Variants in ARHGAP27 observed in about 807,000 individuals in gnomAD.
ARHGAP27 encodes the protein rho GTPase-activating protein 27.
In ARHGAP27, 53 loss-of-function variants were observed where a neutral mutation model predicts 102.0. The observed-to-expected ratio is 0.52, with a 90% CI of 0.42 to 0.65. The LOEUF is 0.65. Ranked by LOEUF, ARHGAP27 falls within the 30% of genes least tolerant of loss-of-function variation. The pLI is 0.00. For missense variants in ARHGAP27, 1,117 were observed against 1,256.2 expected (o/e 0.89, Z 1.68); for synonymous variants, 525 against 542.8 (o/e 0.97, Z 0.46).
intron 4 of ARHGAP27, among the ~76,000 whole-genome samples, chr17:45,420,047 C>A (rs1484296621): frequency 6.6e-6 from 1 of 152,176 alleles, no homozygotes; most frequent in African/African-American, 2.4e-5. Context: ...GGGACATACT[C>A]ATCAAATATC....
Position 45,430,144 on chromosome 17 carries a change from A to T in ARHGAP27, c.136T>A (p.Trp46Arg). The T allele has an allele frequency of 6.5e-7, 1 of 1,532,666 alleles. No individual in the cohort carries two copies. Among genetic ancestry groups the T allele is most frequent in the East Asian group, 2.5e-5 (1 of 40,728 alleles). The allele number at this position is 1,532,666 out of a possible 1,614,324, so 94.9% of individuals were successfully genotyped here. ...CCGCCGGGCTCACGCCGCACGTGCC[A>T]CCAGTGCTCGGTGCTGCGCCGCAGC... ...RLLRRSTEHW[W>R]HVRREPGGRP... is the part of the protein sequence containing the mutation. The change falls in exon 4 of 20, where the codon TGG becomes AGG. Residue 46 changes from tryptophan (W) to arginine (R), a missense_variant. Trp to Arg is a moderately radical substitution (Grantham distance 101, BLOSUM62 -3). This residue lies in a region of ARHGAP27 where 610 missense variants were observed against 716.4 expected (regional missense o/e 0.85). Coordinates refer to ENST00000685559, the MANE Select transcript of ARHGAP27 (RefSeq NM_001282290.2). The surrounding 1 kb of genome is among the most constrained non-coding windows in gnomAD (Gnocchi z 4.4).
chr17:45,397,290 C>T lies in ARHGAP27; in HGVS notation c.1843-266G>A, dbSNP rs547394462. 3 of 1,351,088 alleles carry T rather than the reference C, an allele frequency of 2.2e-6. No homozygotes were observed. In the East Asian group the frequency reaches 8.6e-5, roughly 39 times the overall value. The allele number at this position is 1,351,088 out of a possible 1,614,324, so 83.7% of individuals were successfully genotyped here. ...CCCCTTCCTATCCTGGGGACTCCTA[C>T]CCACCTGGTGCCTTCTTTCTCTATT... On this transcript the variant is annotated intron_variant, in intron 13 of 19. Transcript: ENST00000685559.
intron 4 of ARHGAP27, chr17:45,410,453 T>C: frequency 8.5e-7 from 1 of 1,176,356 alleles, no homozygotes; most frequent in Non-Finnish European, 1.1e-6. Context: ...GCGGAAGTGC[T>C]GCCTGAGTTG....
intron 6 of ARHGAP27, 39 bp downstream of exon 6, chr17:45,404,885 C>T (rs753052004): frequency 1.9e-6 from 3 of 1,613,906 alleles, no homozygotes; most frequent in South Asian, 2.2e-5. Context: ...GTGGGGAGGA[C>T]TCTGAGGCTG....
Position 45,396,656 on chromosome 17 carries a change from G to C in ARHGAP27, c.2074+12C>G. ...CGGTCCCGGGTCCCCGCCCCCCGCA[G>C]GCCTCGGGTACCTTTGATGTAGCCC... On this transcript the variant is annotated intron_variant, in intron 15 of 19. Transcript: ENST00000685559. 6.2e-7 allele frequency: 1 copy of C among 1,613,310 alleles called. No homozygotes were observed. The highest frequency in any genetic ancestry group is 1.7e-4 in the Middle Eastern group (1 of 6,058).
chr17:45,412,342 G>A (rs927951734), intron 4 of ARHGAP27, among the ~76,000 whole-genome samples: 3 of 152,184 alleles, frequency 2.0e-5, no homozygotes, highest in African/African-American at 7.2e-5. Context: ...AGAGGCACAA[G>A]GGGGAGGGTC....
At position 45,395,728 on chromosome 17, in the gene ARHGAP27, GGGCCGCCCGGCTCACC is replaced by G; in HGVS notation, c.2492_2492+15del. The G allele has an allele frequency of 1.3e-6, 2 of 1,581,216 alleles. No individual in the cohort carries two copies. Among genetic ancestry groups the G allele is most frequent in the Non-Finnish European group, 1.7e-6 (2 of 1,168,086 alleles). ...GGGACCTGCCTCCCCCTTCCCGCGC[GGGCCGCCCGGCTCACC>G]GGCAGAGGTGCTGGAAGAGCATCCG... On this transcript the variant is annotated splice_donor_variant and splice_donor_5th_base_variant and coding_sequence_variant and intron_variant, in exon 19 of 20. Transcript: ENST00000685559. LOFTEE classifies it high-confidence loss of function.
intron 4 of ARHGAP27, among the ~76,000 whole-genome samples, chr17:45,421,696 A>T (rs1240551613): frequency 2.0e-5 from 3 of 152,182 alleles, no homozygotes; most frequent in Non-Finnish European, 1.5e-5. Flanking sequence ...GGAAAGTGTA[A>T]CAGGAAGAAA....
intron 4 of ARHGAP27, among the ~76,000 whole-genome samples, chr17:45,422,097 C>T (rs558486478): frequency 7.2e-5 from 11 of 152,148 alleles, no homozygotes; most frequent in East Asian, 3.9e-4. Context: ...ATCTGGCAGG[C>T]GGAGGTTGCA....
At position 45,396,651 on chromosome 17, in the gene ARHGAP27, C is replaced by A. The variant is rs757753044; in HGVS notation, c.2074+17G>T. 8 of 1,613,078 alleles carry A rather than the reference C, an allele frequency of 5.0e-6. No homozygotes were observed. The highest frequency in any genetic ancestry group is 4.0e-5 in the African/African-American group (3 of 74,908). On this transcript the variant is annotated intron_variant, in intron 15 of 19. Coordinates refer to ENST00000685559, the MANE Select transcript of ARHGAP27 (RefSeq NM_001282290.2). ...CGTCCCGGTCCCGGGTCCCCGCCCCCCGCAGGCCTCGGGTACCTTTGATGT... is the reference window on the plus strand; with the variant it reads ...CGTCCCGGTCCCGGGTCCCCGCCCCACGCAGGCCTCGGGTACCTTTGATGT...
intron 4 of ARHGAP27, chr17:45,409,716 C>T (rs2047665796): frequency 6.3e-6 from 1 of 157,774 alleles, no homozygotes; most frequent in African/African-American, 2.4e-5. Flanking sequence ...TGGGTTCTAA[C>T]CAGCTCCTGG....
At chr17:45,421,522 C>G (rs755723098) in intron 4 of ARHGAP27, among the ~76,000 whole-genome samples, 1 of 151,922 alleles carries the variant, frequency 6.6e-6, no homozygotes, top group African/African-American at 2.4e-5. Flanking sequence ...AATCAAGCAA[C>G]AAATAGATGT....
intron 4 of ARHGAP27, among the ~76,000 whole-genome samples, chr17:45,415,420 G>A (rs1205088899): frequency 1.3e-5 from 2 of 152,124 alleles, no homozygotes; most frequent in South Asian, 2.1e-4. Context: ...TCACTCCACC[G>A]CCTTGGGAGA....
intron 4 of ARHGAP27, among the ~76,000 whole-genome samples, chr17:45,414,743 C>A (rs1330683283): frequency 6.7e-6 from 1 of 149,248 alleles, no homozygotes; most frequent in South Asian, 2.2e-4. Context: ...GCCACTGCAC[C>A]CAATTGGTCT....
chr17:45,416,085 GC>G (rs2048422983), intron 4 of ARHGAP27, among the ~76,000 whole-genome samples: 2 of 150,354 alleles, frequency 1.3e-5, no homozygotes, highest in Non-Finnish European at 3.0e-5. Flanking sequence ...TGGCTCTGTC[GC>G]CCAGGCTGGA....
intron 4 of ARHGAP27, among the ~76,000 whole-genome samples, chr17:45,414,612 A>AT (rs34746481): frequency 0.14 from 18,328 of 130,244 alleles, 1,559 homozygotes; most frequent in Middle Eastern, 0.24. Flanking sequence ...CGCCCGGCTA[A>AT]TTTTTTTTTT....
At position 45,405,073 on chromosome 17, in the gene ARHGAP27, G is replaced by A; in HGVS notation, c.1099C>T (p.Leu367=). 4 of 1,603,174 alleles carry A rather than the reference G, an allele frequency of 2.5e-6. No individual in the cohort carries two copies. In the Middle Eastern group the frequency reaches 5.0e-4, roughly 202 times the overall value. Residue 367 remains leucine (L), a synonymous_variant, in exon 6 of 20, where the codon CTG becomes TTG. Coordinates refer to ENST00000685559, the MANE Select transcript of ARHGAP27 (RefSeq NM_001282290.2). ...TAGTCCTCCTCGGGGTAACTGGTCAGCGACTCGGGGTAGTCCGTCTCGGGA... is the reference window on the plus strand; with the variant it reads ...TAGTCCTCCTCGGGGTAACTGGTCAACGACTCGGGGTAGTCCGTCTCGGGA... ...PTPETDYPES[L]TSYPEEDYSP...
intron 2 of ARHGAP27, among the ~76,000 whole-genome samples, 192 bp from the exon 3 acceptor site, chr17:45,431,944 A>G (rs62064652): frequency 0.13 from 19,383 of 152,064 alleles, 1,567 homozygotes; most frequent in Middle Eastern, 0.21. Context: ...GGGCACTGGC[A>G]GGTCGCGAGC....
rs781247546 is a variant in ARHGAP27, at chr17:45,404,316, C to T, written c.1432G>A (p.Glu478Lys). ...PEEKVPAELD[E>K]VGSWEEVSPA... ...GAGACTTCCTCCCAGCTCCCAACCT[C>T]ATCCAGCTCTGCTGGGACCTATGGG... is the stretch of plus-strand genomic sequence containing the variant. Residue 478 changes from glutamate (E) to lysine (K), a missense_variant, in exon 9 of 20, where the codon GAG (glutamate) becomes AAG (lysine). Around this residue, in one of 3 missense-constraint regions of ARHGAP27, gnomAD observed 610 missense variants for 716.4 expected, o/e 0.85. Transcript: ENST00000685559. The T allele has an allele frequency of 6.8e-6, 11 of 1,614,098 alleles. No homozygotes were observed. In the South Asian group the frequency reaches 9.9e-5, roughly 14 times the overall value.
Sources: allele counts gnomAD v4.1 joint callset (sites outside exome capture counted in the v4.1 genomes callset), GRCh38; gene constraint gnomAD v4.1.1; regional missense constraint gnomAD v4.1.1; non-coding constraint Gnocchi (gnomAD v3.1); transcripts MANE v1.5; gene names NCBI Gene and HGNC (gene_info 2026-07-23, HGNC 2026-07-21).